The following RFX3 variants were observed in gnomAD, a reference collection of about 807,000 sequenced individuals.
The protein encoded by RFX3 is regulatory factor X3.
A neutral mutation model predicts 98.6 loss-of-function variants in RFX3; 14 were observed. The ratio of observed to expected loss-of-function variants is 0.14; its 90% CI spans 0.09 to 0.22. The LOEUF (loss-of-function observed/expected upper bound fraction) is 0.22, where lower values mean the gene tolerates loss of function less well. Ranked by LOEUF, RFX3 falls within the 10% of genes least tolerant of loss-of-function variation. The probability of loss-of-function intolerance (pLI) is 1.00; values close to 1 mark genes in which losing one functional copy is unlikely to be tolerated. For missense variants in RFX3, 639 were observed against 926.9 expected (o/e 0.69, Z 4.03); for synonymous variants, 383 against 328.4 (o/e 1.17, Z -1.80).
At chr9:3,396,411 G>A (rs1214747142) in intron 1 of RFX3, among the ~76,000 whole-genome samples, 1 of 152,276 alleles carries the variant, frequency 6.6e-6, no homozygotes, top group Non-Finnish European at 1.5e-5. Flanking sequence ...TGGTGTATAT[G>A]TGCCACATTT....
At chr9:3,494,438 T>A (rs1316473958) in intron 1 of RFX3, among the ~76,000 whole-genome samples, 1 of 152,182 alleles carries the variant, frequency 6.6e-6, no homozygotes, top group Non-Finnish European at 1.5e-5. Context: ...GTCAGATTTG[T>A]GATTTCTACT....
chr9:3,360,887 G>T (rs1836339744), intron 2 of RFX3, among the ~76,000 whole-genome samples: 1 of 152,082 alleles, frequency 6.6e-6, no homozygotes, highest in Non-Finnish European at 1.5e-5. Context: ...TAGTAAATGA[G>T]TTCATTTATA....
intron 1 of RFX3, among the ~76,000 whole-genome samples, chr9:3,437,565 C>T (rs372673090): frequency 6.6e-6 from 1 of 152,044 alleles, no homozygotes; most frequent in Middle Eastern, 3.2e-3. Context: ...CAAGGGGGAA[C>T]TTGGAGAAGT....
intron 4 of RFX3, among the ~76,000 whole-genome samples, chr9:3,314,162 A>T (rs1830294170): frequency 6.6e-6 from 1 of 152,252 alleles, no homozygotes; most frequent in South Asian, 2.1e-4. Context: ...CATCAGACTA[A>T]CAGCGGATCT....
chr9:3,271,159 T>C (rs1276889512), intron 9 of RFX3, 41 bp from the exon 10 acceptor site: 2 of 1,544,870 alleles, frequency 1.3e-6, no homozygotes, highest in Admixed American at 1.7e-5. Context: ...TACAATATTA[T>C]TTACGGGACT....
chr9:3,493,034 ATAG>A (rs937182938), intron 1 of RFX3, among the ~76,000 whole-genome samples: 8 of 152,110 alleles, frequency 5.3e-5, no homozygotes, highest in Non-Finnish European at 1.2e-4. Flanking sequence ...TATTATTATT[ATAG>A]TAGTAGTAGT....
chr9:3,270,883 A>G, intron 10 of RFX3, 120 bp downstream of exon 10: 1 of 1,423,858 alleles, frequency 7.0e-7, no homozygotes. Context: ...TGGCCAAAAC[A>G]TCAATCTATT....
At chr9:3,433,608 CACTGTTCAAGGGTCA>C (rs948236000) in intron 1 of RFX3, among the ~76,000 whole-genome samples, 1 of 152,310 alleles carries the variant, frequency 6.6e-6, no homozygotes, top group African/African-American at 2.4e-5. Context: ...CAAACCACTA[CACTGTTCAAGGGTCA>C]ACTGTATTTC....
chr9:3,476,165 CATAT>C (rs1564151464), intron 1 of RFX3, among the ~76,000 whole-genome samples: 3 of 149,414 alleles, frequency 2.0e-5, no homozygotes, highest in African/African-American at 7.4e-5. Flanking sequence ...TAATGATACT[CATAT>C]ATAATATATA....
intron 1 of RFX3, among the ~76,000 whole-genome samples, chr9:3,474,942 G>C (rs1490347851): frequency 2.6e-5 from 4 of 151,708 alleles, no homozygotes; most frequent in East Asian, 3.9e-4. Context: ...TCCACAAAAA[G>C]TAAAAAATTA....
chr9:3,228,851 A>T lies in RFX3; in HGVS notation c.2007T>A (p.Asp669Glu), dbSNP rs1353121603. ...TACATTATTTTCGATTCTTACCTTT[A>T]TCCAGATTTCCAGGAGACACGGCAT... ...DLNAVSPGNL[D>E]KDEGSEVESE... Residue 669 changes from aspartate (D) to glutamate (E), a missense_variant, in exon 16 of 17, where the codon GAT becomes GAA. Asp to Glu is a conservative substitution (Grantham distance 45, BLOSUM62 2). Around this residue, in one of 9 missense-constraint regions of RFX3, gnomAD observed 129 missense variants for 124.6 expected, o/e 1.04. Transcript: ENST00000617270. 6.2e-6 allele frequency: 10 copies of T among 1,609,418 alleles called. No homozygotes were observed. Among genetic ancestry groups the T allele is most frequent in the Non-Finnish European group, 8.5e-6 (10 of 1,178,452 alleles).
At chr9:3,440,135 T>C (rs1845491353) in intron 1 of RFX3, among the ~76,000 whole-genome samples, 1 of 152,226 alleles carries the variant, frequency 6.6e-6, no homozygotes, top group African/African-American at 2.4e-5. Context: ...TATTAACAAC[T>C]TGTAGTTAAC....
rs559843458 is a variant in RFX3 at position 3,292,696 on chromosome 9, C to T, written c.731+381G>A. ...GTTTTCCATTTACTATGTCACTTAA[C>T]TCATCATCATTAGTATGATTTCTTT... On this transcript the variant is annotated intron_variant, in intron 6 of 16. Transcript: ENST00000617270. Among the ~76,000 whole-genome samples the T allele has an allele frequency of 1.5e-4, 23 of 152,046 alleles. No individual in the cohort carries two copies. The East Asian group carries it at 4.4e-3, about 29-fold the overall frequency.
chr9:3,432,725 A>T (rs1412549609), intron 1 of RFX3, among the ~76,000 whole-genome samples: 1 of 152,202 alleles, frequency 6.6e-6, no homozygotes, highest in Non-Finnish European at 1.5e-5. Flanking sequence ...TATGAGGAAG[A>T]AGATGTAGAA....
chr9:3,247,910 C>T, intron 15 of RFX3, 122 bp downstream of exon 15: 2 of 1,611,810 alleles, frequency 1.2e-6, no homozygotes, highest in Non-Finnish European at 1.7e-6. Context: ...ACAGTCCCTC[C>T]TGGCTCTGAG....
chr9:3,322,459 C>T (rs1323636477), intron 4 of RFX3, among the ~76,000 whole-genome samples: 1 of 151,942 alleles, frequency 6.6e-6, no homozygotes, highest in Non-Finnish European at 1.5e-5. Flanking sequence ...TGGCTGGGTG[C>T]GGTGGCTCAG....
At chr9:3,249,374 T>C (rs1355587302) in intron 14 of RFX3, among the ~76,000 whole-genome samples, 3 of 152,188 alleles carry the variant, frequency 2.0e-5, no homozygotes, top group Non-Finnish European at 4.4e-5. Context: ...CATTGACTGT[T>C]GATCTCAAAA....
At position 3,219,015 on chromosome 9, in the gene RFX3, C is replaced by G. The variant is rs1213071832; in HGVS notation, c.*6027G>C. On this transcript the variant is annotated 3_prime_UTR_variant, in exon 17 of 17. Coordinates refer to ENST00000617270, the MANE Select transcript of RFX3 (RefSeq NM_001282116.2). ...ACTGATTGGTAAGCACTACAATTAA[C>G]CTAATTAAAAGTTTACCACCTCAGG... 2.0e-5 allele frequency: 3 copies of G among 152,066 alleles called. No individual in the cohort carries two copies. The allele number at this position is 152,066 out of a possible 1,614,324, so 9.4% of individuals were successfully genotyped here.
chr9:3,515,668 T>C (rs939388407), intron 1 of RFX3, among the ~76,000 whole-genome samples: 1 of 152,154 alleles, frequency 6.6e-6, no homozygotes, highest in Non-Finnish European at 1.5e-5. Flanking sequence ...GAAACTTAAC[T>C]GACAAGCAAA....
Sources: allele counts gnomAD v4.1 joint callset (sites outside exome capture counted in the v4.1 genomes callset), GRCh38; gene constraint gnomAD v4.1.1; regional missense constraint gnomAD v4.1.1; transcripts MANE v1.5; gene names NCBI Gene and HGNC (gene_info 2026-07-23, HGNC 2026-07-21).